Variants in DENND1C observed in about 807,000 individuals in gnomAD.
DENND1C encodes the protein DENN domain-containing protein 1C.
A neutral mutation model predicts 87.9 loss-of-function variants in DENND1C; 64 were observed. The ratio of observed to expected loss-of-function variants is 0.73; its 90% CI spans 0.60 to 0.90. The LOEUF (loss-of-function observed/expected upper bound fraction) is 0.90, where lower values mean the gene tolerates loss of function less well. Among genes scored for constraint, DENND1C ranks in the 40% least tolerant of loss-of-function variants. The pLI is 0.00. For missense variants in DENND1C, 980 were observed against 1,037.0 expected (o/e 0.95, Z 0.76); for synonymous variants, 384 against 424.4 (o/e 0.90, Z 1.17).
At position 6,468,306 on chromosome 19, in the gene DENND1C, G is replaced by C. The variant is rs528598134; in HGVS notation, c.1719C>G (p.Ser573Arg). The change falls in exon 22 of 23, where the codon AGC (serine) becomes AGG (arginine). Residue 573 changes from serine (S) to arginine (R), a missense_variant. Ser to Arg is a moderately radical substitution (Grantham distance 110). Transcript: ENST00000381480. ...TCTGGCTCGGTCTCAGGCTGCCTGC[G>C]CTCTTGGCTCCCATGCTAAGACTGT... ...ILDSLSMGAKSAGSLRPSQSL... is the reference protein window; with the variant it reads ...ILDSLSMGAKRAGSLRPSQSL... 2 of 1,613,696 alleles carry C rather than the reference G, an allele frequency of 1.2e-6. No homozygotes were observed. Among genetic ancestry groups the C allele is most frequent in the Admixed American group, 1.7e-5 (1 of 59,972 alleles).
At position 6,479,056 on chromosome 19, in the gene DENND1C, C is replaced by T; in HGVS notation, c.177G>A (p.Arg59=). The part of the protein sequence containing the change: ...PKFCFPFDVE[R]EPPSPAVQHF... ...GCTGCACGGCGGGGCTGGGGGGCTC[C>T]CTGGAGTGGGAAGGGCTGTTAGAGA... Residue 59 remains arginine, a splice_region_variant and synonymous_variant, in exon 5 of 23, where the codon AGG becomes AGA. Coordinates refer to ENST00000381480, the MANE Select transcript of DENND1C (RefSeq NM_024898.4). 1.2e-6 allele frequency: 2 copies of T among 1,613,792 alleles called. No homozygotes were observed. The highest frequency in any genetic ancestry group is 1.7e-6 in the Non-Finnish European group (2 of 1,179,802).
chr19:6,472,937 AG>A lies in DENND1C; in HGVS notation c.1109del (p.Pro370LeufsTer60), dbSNP rs2092837398. On this transcript the variant is annotated frameshift_variant, in exon 15 of 23. Coordinates refer to ENST00000381480, the MANE Select transcript of DENND1C (RefSeq NM_024898.4). LOFTEE classifies it high-confidence loss of function. ...CAGCCCGCCGGTGGAAGGCCTGCAG[AG>A]GTGCCCCAGGCTTCTGGGCCAAGAA... The part of the protein sequence containing the change: ...EVFLAQKPGA[P>X]LQAFHRRAVH... 6.3e-7 allele frequency: 1 copy of A among 1,593,260 alleles called. No individual in the cohort carries two copies. Among genetic ancestry groups the A allele is most frequent in the Admixed American group, 1.8e-5 (1 of 56,876 alleles).
rs771452559 is a variant in DENND1C, at chr19:6,475,306, C to G, written c.1021G>C (p.Gly341Arg). 4.3e-6 allele frequency: 7 copies of G among 1,613,420 alleles called. No individual in the cohort carries two copies. Among genetic ancestry groups the G allele is most frequent in the Non-Finnish European group, 5.9e-6 (7 of 1,179,852 alleles). Residue 341 changes from glycine to arginine, a missense_variant, in exon 14 of 23, where the codon GGG becomes CGG. Gly to Arg is a moderately radical substitution (Grantham distance 125, BLOSUM62 -2). Transcript: ENST00000381480. ...LFLKAQALLF[G>R]GYRDALVCSP... ...CAGACGAGTGCGTCGCGGTACCCCC[C>G]GAAGAGCAGGGCCTGGGCTTTGAGG...
In DENND1C at chr19:6,468,256, TCTC is replaced by T; in HGVS notation, c.1766_1768del (p.Gly589del). ...CACCAGGCTGAAGCAGCTGTCCAGG[TCTC>T]CTCTGTGACAGCAGTCTAAACTCTG... is the stretch of plus-strand genomic sequence containing the variant. On this transcript the variant is annotated inframe_deletion, in exon 22 of 23. Coordinates refer to ENST00000381480, the MANE Select transcript of DENND1C (RefSeq NM_024898.4). The T allele has an allele frequency of 6.2e-7, 1 of 1,613,306 alleles. No homozygotes were observed. Among genetic ancestry groups the T allele is most frequent in the Non-Finnish European group, 8.5e-7 (1 of 1,179,626 alleles).
rs1453138025 is a variant in DENND1C at position 6,478,769 on chromosome 19, G to C, written c.366+14C>G. On this transcript the variant is annotated intron_variant, in intron 6 of 22. Coordinates refer to ENST00000381480, the MANE Select transcript of DENND1C (RefSeq NM_024898.4). ...CTGGGACTCCCACAGGAGTGAGAGAGGGGCTGGTCTCACTTGGTCCTGGGC... is the reference window on the plus strand; with the variant it reads ...CTGGGACTCCCACAGGAGTGAGAGACGGGCTGGTCTCACTTGGTCCTGGGC... The C allele has an allele frequency of 6.2e-7, 1 of 1,608,644 alleles. No individual in the cohort carries two copies. The highest frequency in any genetic ancestry group is 1.3e-5 in the African/African-American group (1 of 74,816).
chr19:6,469,004 AC>A, intron 19 of DENND1C, 51 bp from the exon 20 acceptor site: 2 of 1,054,276 alleles, frequency 1.9e-6, no homozygotes. Context: ...TCTCCCCACC[AC>A]CCCCTACCAT....
At chr19:6,478,717 G>A in intron 6 of DENND1C, 66 bp downstream of exon 6, 1 of 1,523,828 alleles carries the variant, frequency 6.6e-7, no homozygotes, top group South Asian at 1.2e-5. Context: ...TGAGAGGGAG[G>A]GGTTGGGAGG....
rs540496281 is a variant in DENND1C at position 6,479,280 on chromosome 19, G to A, written c.177-224C>T. 3.7e-3 allele frequency among the ~76,000 whole-genome samples: 552 copies of A among 149,092 alleles called. 3 individuals carry two copies. Among genetic ancestry groups the A allele is most frequent in the African/African-American group, 0.013 (520 of 38,946 alleles). ...GGGTCCCTGGATCTCTGGGTTTCTG[G>A]ATCTCTGGGTCCTTGAATCCCTAAG... On this transcript the variant is annotated intron_variant, in intron 4 of 22. Transcript: ENST00000381480.
intron 1 of DENND1C, chr19:6,480,390 T>C (rs1402496509): frequency 6.6e-6 from 8 of 1,217,408 alleles, no homozygotes; most frequent in Non-Finnish European, 8.3e-6. Flanking sequence ...CTCCTATATC[T>C]GTGGCATGAG....
intron 6 of DENND1C, among the ~76,000 whole-genome samples, chr19:6,478,456 A>G (rs970683529): frequency 2.8e-5 from 4 of 140,482 alleles, no homozygotes; most frequent in East Asian, 4.1e-4. Flanking sequence ...GGGCTTCACC[A>G]TGTCGGTCAG....
At chr19:6,470,869 C>G (rs999589681) in intron 17 of DENND1C, among the ~76,000 whole-genome samples, 2 of 151,994 alleles carry the variant, frequency 1.3e-5, no homozygotes, top group Non-Finnish European at 2.9e-5. Flanking sequence ...ATCCGCCCGC[C>G]TCAGCCTCAA....
At chr19:6,470,620 G>GGTTTT in intron 17 of DENND1C, among the ~76,000 whole-genome samples, 1 of 114,782 alleles carries the variant, frequency 8.7e-6, no homozygotes, top group Non-Finnish European at 1.7e-5. Flanking sequence ...GTTTTTTTTT[G>GGTTTT]TTTTTTTTTT....
chr19:6,472,105 C>T (rs1008723051), intron 15 of DENND1C, among the ~76,000 whole-genome samples: 3 of 152,224 alleles, frequency 2.0e-5, no homozygotes, highest in African/African-American at 7.2e-5. Context: ...TAGGTGGACC[C>T]CATCTTTAGG....
In DENND1C at chr19:6,481,786, G is replaced by A; in HGVS notation, c.-91C>T. The A allele has an allele frequency of 7.1e-7, 1 of 1,417,900 alleles. No homozygotes were observed. The highest frequency in any genetic ancestry group is 1.5e-5 in the South Asian group (1 of 67,264). 87.8% of individuals were successfully genotyped at this position (1,417,900 alleles called of 1,614,324 possible). On this transcript the variant is annotated 5_prime_UTR_variant, in exon 1 of 23. Transcript: ENST00000381480. ...GCCCCAAGCCGGCTCAGCTTCCTGTGTGGCTGAGAGAGGAAGTTTAACGGG... is the reference window on the plus strand; with the variant it reads ...GCCCCAAGCCGGCTCAGCTTCCTGTATGGCTGAGAGAGGAAGTTTAACGGG...
chr19:6,481,517 T>C, intron 1 of DENND1C, 162 bp downstream of exon 1: 6 of 918,846 alleles, frequency 6.5e-6, no homozygotes, highest in Non-Finnish European at 9.6e-6. Flanking sequence ...TGTCCCAGAG[T>C]GAAGGTCATA....
chr19:6,481,545 A>G, intron 1 of DENND1C, 134 bp downstream of exon 1: 1 of 1,310,838 alleles, frequency 7.6e-7, no homozygotes, highest in Non-Finnish European at 1.1e-6. Flanking sequence ...CCCATGGAGT[A>G]TCTGATTCCA....
intron 12 of DENND1C, 34 bp downstream of exon 12, chr19:6,475,672 C>T (rs769885418): frequency 8.1e-6 from 13 of 1,609,124 alleles, no homozygotes; most frequent in Non-Finnish European, 1.1e-5. Flanking sequence ...GGGGAACCCT[C>T]ACGTCCCCGT....
intron 15 of DENND1C, among the ~76,000 whole-genome samples, chr19:6,472,262 G>A (rs2092833922): frequency 6.9e-6 from 1 of 144,514 alleles, no homozygotes; most frequent in Admixed American, 7.6e-5. Flanking sequence ...AGCTTGGACC[G>A]CCACCCCAGT....
Position 6,477,247 on chromosome 19 carries a change from G to T in DENND1C, c.484C>A (p.Pro162Thr). Residue 162 changes from proline to threonine, a missense_variant, in exon 8 of 23, where the codon CCC (proline) becomes ACC (threonine). Transcript: ENST00000381480. ...GVTVSSGQGIPPPTRGNSKPL... is the reference protein window; with the variant it reads ...GVTVSSGQGITPPTRGNSKPL... ...TTGCTATTCCCCCGGGTAGGGGGGG[G>T]GATACCCTGCCCGCTGGAGACCGTC... 1 of 1,583,580 alleles carries T rather than the reference G, an allele frequency of 6.3e-7. No homozygotes were observed. The highest frequency in any genetic ancestry group is 8.6e-7 in the Non-Finnish European group (1 of 1,163,214).
Sources: allele counts gnomAD v4.1 joint callset (sites outside exome capture counted in the v4.1 genomes callset), GRCh38; gene constraint gnomAD v4.1.1; transcripts MANE v1.5; gene names NCBI Gene and HGNC (gene_info 2026-07-23, HGNC 2026-07-21).